The following PRKD1 variants were observed in gnomAD, a reference collection of about 807,000 sequenced individuals.
PRKD1 encodes the protein serine/threonine-protein kinase D1.
A neutral mutation model predicts 95.9 loss-of-function variants in PRKD1; 63 were observed. That is an observed-to-expected ratio of 0.66 (90% confidence interval 0.54 to 0.81). The LOEUF is 0.81. PRKD1 is among the 30% of genes least tolerant of loss of function. The pLI is 0.00. For missense variants in PRKD1, 1,048 were observed against 1,165.3 expected (o/e 0.90, Z 1.47); for synonymous variants, 425 against 423.1 (o/e 1.00, Z -0.05).
At chr14:29,644,626 T>C (rs1055956480) in intron 4 of PRKD1, among the ~76,000 whole-genome samples, 1 of 152,142 alleles carries the variant, frequency 6.6e-6, no homozygotes, top group Non-Finnish European at 1.5e-5. Flanking sequence ...CCAGTCAATT[T>C]ATCTGGGGAC....
chr14:29,797,774 T>C (rs1719481270), intron 1 of PRKD1, among the ~76,000 whole-genome samples: 1 of 152,156 alleles, frequency 6.6e-6, no homozygotes, highest in South Asian at 2.1e-4. Context: ...CTACCATGAC[T>C]TACAAGTGGT....
At chr14:29,707,148 A>C (rs1885130339) in intron 2 of PRKD1, among the ~76,000 whole-genome samples, 1 of 152,208 alleles carries the variant, frequency 6.6e-6, no homozygotes. Flanking sequence ...ACAATTTCAT[A>C]AATAATGTAG....
At chr14:29,792,592 T>C (rs1889596462) in intron 1 of PRKD1, among the ~76,000 whole-genome samples, 1 of 152,094 alleles carries the variant, frequency 6.6e-6, no homozygotes, top group Non-Finnish European at 1.5e-5. Context: ...GTGACCATTA[T>C]AAATAAGTCA....
At chr14:29,631,045 ATGT>A in intron 9 of PRKD1, 24 bp from the exon 10 acceptor site, 4 of 1,566,190 alleles carry the variant, frequency 2.6e-6, no homozygotes, top group Non-Finnish European at 3.5e-6. Context: ...AAAGTACTAA[ATGT>A]TGTTTATCAA....
chr14:29,633,088 C>A, intron 8 of PRKD1, 142 bp from the exon 9 acceptor site: 1 of 711,506 alleles, frequency 1.4e-6, no homozygotes, highest in Non-Finnish European at 2.4e-6. Flanking sequence ...GACTCATGCT[C>A]AATTTCAGGC....
intron 1 of PRKD1, among the ~76,000 whole-genome samples, chr14:29,821,152 T>G (rs1268812864): frequency 6.6e-6 from 1 of 152,166 alleles, no homozygotes; most frequent in African/African-American, 2.4e-5. Flanking sequence ...TATAATGAAT[T>G]TTTACATGTT....
At chr14:29,634,378 G>A (rs1594381223) in intron 8 of PRKD1, 40 bp downstream of exon 8, 1 of 1,613,338 alleles carries the variant, frequency 6.2e-7, no homozygotes, top group East Asian at 2.2e-5. Flanking sequence ...TCTAATTAAA[G>A]CTAGCAAGGC....
intron 1 of PRKD1, among the ~76,000 whole-genome samples, chr14:29,821,182 A>G (rs1313061734): frequency 6.6e-6 from 1 of 152,208 alleles, no homozygotes; most frequent in Non-Finnish European, 1.5e-5. Context: ...TTTTAGGGTA[A>G]CACTGAGGAT....
intron 1 of PRKD1, among the ~76,000 whole-genome samples, chr14:29,755,056 G>A (rs1013256304): frequency 7.3e-5 from 11 of 151,652 alleles, no homozygotes; most frequent in East Asian, 5.8e-4. Flanking sequence ...TGTTTTTTCC[G>A]TTAAAATTTC....
At chr14:29,592,884 C>T (rs1465339281) in intron 16 of PRKD1, 2 of 152,142 alleles carry the variant, frequency 1.3e-5, no homozygotes, top group Non-Finnish European at 2.9e-5. Context: ...TGTTACTACT[C>T]TAGCTCTATG....
chr14:29,701,518 G>A (rs1465235306), intron 2 of PRKD1, among the ~76,000 whole-genome samples: 1 of 152,008 alleles, frequency 6.6e-6, no homozygotes, highest in Non-Finnish European at 1.5e-5. Context: ...ATAAATTAGT[G>A]CTATTTGGTT....
At chr14:29,716,986 C>A (rs1885642952) in intron 2 of PRKD1, among the ~76,000 whole-genome samples, 2 of 152,098 alleles carry the variant, frequency 1.3e-5, no homozygotes, top group South Asian at 4.1e-4. Flanking sequence ...TAGGAGATAA[C>A]AAGAGTCCAG....
At chr14:29,894,291 G>A (rs974593420) in intron 1 of PRKD1, among the ~76,000 whole-genome samples, 4 of 152,198 alleles carry the variant, frequency 2.6e-5, no homozygotes, top group Non-Finnish European at 5.9e-5. Context: ...GAAGTGAGAT[G>A]GGTAGATCAG....
At chr14:29,924,013 T>C (rs766525046) in intron 1 of PRKD1, among the ~76,000 whole-genome samples, 2 of 152,130 alleles carry the variant, frequency 1.3e-5, no homozygotes, top group Admixed American at 6.5e-5. Context: ...ATTGTTATTA[T>C]TTTTTACCCT....
chr14:29,578,409 A>G (rs1181317996), intron 16 of PRKD1, 49 bp from the exon 17 acceptor site: 1 of 1,359,304 alleles, frequency 7.4e-7, no homozygotes. Flanking sequence ...TAACATATGC[A>G]TAATTCATTT....
At chr14:29,579,036 G>A (rs1016128755) in intron 16 of PRKD1, among the ~76,000 whole-genome samples, 6 of 151,932 alleles carry the variant, frequency 3.9e-5, no homozygotes, top group African/African-American at 1.2e-4. Context: ...AACAAGAAAT[G>A]TTCTCTGAGG....
At chr14:29,680,981 A>T (rs1883508876) in intron 2 of PRKD1, among the ~76,000 whole-genome samples, 1 of 152,156 alleles carries the variant, frequency 6.6e-6, no homozygotes. Flanking sequence ...GCCTAAGAAA[A>T]CACTTCTATA....
At chr14:29,689,298 G>C (rs1317141020) in intron 2 of PRKD1, among the ~76,000 whole-genome samples, 1 of 151,722 alleles carries the variant, frequency 6.6e-6, no homozygotes, top group African/African-American at 2.4e-5. Flanking sequence ...GTGGGAAAAT[G>C]ACATGAACAG....
In PRKD1 at chr14:29,578,484, C is replaced by CA. The variant is rs11365023; in HGVS notation, c.2435-125dup. 2.8e-3 allele frequency: 739 copies of CA among 265,006 alleles called. 2 individuals carry two copies. Among genetic ancestry groups the CA allele is most frequent in the South Asian group, 0.025 (169 of 6,662 alleles). The allele number at this position is 265,006 out of a possible 1,614,324, so 16.4% of individuals were successfully genotyped here. A position where few individuals can be genotyped will look rare whatever the true frequency, so the allele number is the denominator to read the frequency against. On this transcript the variant is annotated intron_variant, in intron 16 of 17. Coordinates refer to ENST00000331968, the MANE Select transcript of PRKD1 (RefSeq NM_002742.3). Reference sequence around the variant, plus strand: ...CAGCATAGTGACAAGGCACTAGAACCAAAAAAAAAAATCCTCTTAAGAATA... The same window carrying CA: ...CAGCATAGTGACAAGGCACTAGAACCAAAAAAAAAAAATCCTCTTAAGAATA...
Sources: allele counts gnomAD v4.1 joint callset (sites outside exome capture counted in the v4.1 genomes callset), GRCh38; gene constraint gnomAD v4.1.1; transcripts MANE v1.5; gene names NCBI Gene and HGNC (gene_info 2026-07-23, HGNC 2026-07-21).